CLASP1: variants seen among roughly 807,000 people sequenced by gnomAD.
CLASP1 encodes the protein CLIP-associating protein 1.
Under a neutral mutation model 192.3 loss-of-function variants are expected in CLASP1, and 38 were observed. That is an observed-to-expected ratio of 0.20 (90% CI 0.15 to 0.26). CLASP1 has a LOEUF of 0.26. Among genes scored for constraint, CLASP1 ranks in the 10% least tolerant of loss-of-function variants. CLASP1 has a pLI of 1.00. For synonymous variants in CLASP1, 691 were observed against 712.8 expected, an observed-to-expected ratio of 0.97 and a Z score of 0.49; for missense variants, 1,433 against 1,932.5, an observed-to-expected ratio of 0.74 and a Z score of 4.85.
At chr2:121,527,720 G>A in intron 5 of CLASP1, 79 bp downstream of exon 5, 5 of 1,145,810 alleles carry the variant, frequency 4.4e-6, no homozygotes, top group East Asian at 2.6e-5. Flanking sequence ...GCAACTTCCT[G>A]TAAATCTATA....
chr2:121,551,623 CT>C (rs894731644), intron 2 of CLASP1, among the ~76,000 whole-genome samples: 48 of 152,134 alleles, frequency 3.2e-4, no homozygotes, highest in African/African-American at 1.1e-3. Context: ...AATAAAACAC[CT>C]AGGAATACAG....
At chr2:121,505,623 G>A (rs1337191570) in intron 7 of CLASP1, among the ~76,000 whole-genome samples, 3 of 152,178 alleles carry the variant, frequency 2.0e-5, no homozygotes, top group East Asian at 1.9e-4. Flanking sequence ...CTAAAAGGAT[G>A]AGTTTTATAT....
intron 26 of CLASP1, among the ~76,000 whole-genome samples, chr2:121,402,391 C>G (rs756445340): frequency 2.0e-5 from 3 of 152,196 alleles, no homozygotes; most frequent in Non-Finnish European, 4.4e-5. Flanking sequence ...AAAAGTAGCA[C>G]TGAGTATCCC....
chr2:121,622,885 G>A (rs955804762), intron 1 of CLASP1, among the ~76,000 whole-genome samples: 5 of 151,560 alleles, frequency 3.3e-5, no homozygotes, highest in Non-Finnish European at 5.9e-5. Flanking sequence ...TAATTGTCCC[G>A]GCTAGAACCT....
chr2:121,515,707 C>T (rs775922468), exon 7 of CLASP1: 8 of 1,613,862 alleles, frequency 5.0e-6, no homozygotes, highest in Non-Finnish European at 6.8e-6. Flanking sequence ...TGCCCTCACA[C>T]GTTCTCCTAC....
At chr2:121,446,062 C>T (rs72969309) in intron 19 of CLASP1, among the ~76,000 whole-genome samples, 7,102 of 152,250 alleles carry the variant, frequency 0.047, 198 homozygotes, top group East Asian at 0.14. Context: ...CTACATAATG[C>T]TGCAATAGTT....
At chr2:121,431,636 A>AT (rs1365382559) in intron 19 of CLASP1, among the ~76,000 whole-genome samples, 4 of 152,154 alleles carry the variant, frequency 2.6e-5, no homozygotes, top group Admixed American at 2.0e-4. Context: ...ATGAACATGT[A>AT]TACTCATTTA....
At chr2:121,450,926 T>G in exon 16 of CLASP1, 1 of 1,609,422 alleles carries the variant, frequency 6.2e-7, no homozygotes, top group Non-Finnish European at 8.5e-7. Context: ...CTGGCTTCTA[T>G]TCTTGCTTCG....
chr2:121,616,210 G>A (rs1329254865), intron 1 of CLASP1, among the ~76,000 whole-genome samples: 1 of 152,138 alleles, frequency 6.6e-6, no homozygotes, highest in Non-Finnish European at 1.5e-5. Flanking sequence ...ACTTTGGGAG[G>A]CCAGGGCGGG....
intron 19 of CLASP1, among the ~76,000 whole-genome samples, chr2:121,444,416 T>G (rs1429059779): frequency 6.6e-6 from 1 of 152,154 alleles, no homozygotes; most frequent in Non-Finnish European, 1.5e-5. Flanking sequence ...CAGTAGTACC[T>G]TTAGAGGAGA....
At chr2:121,600,798 G>C (rs1576369939) in intron 2 of CLASP1, among the ~76,000 whole-genome samples, 2 of 152,164 alleles carry the variant, frequency 1.3e-5, no homozygotes, top group South Asian at 4.1e-4. Flanking sequence ...TTAGGACCCT[G>C]ATACTATTCA....
rs141457912 is a variant in CLASP1, at chr2:121,601,799, G to A, written c.195+3902C>T. Among the ~76,000 whole-genome samples the A allele has an allele frequency of 3.0e-4, 45 of 152,118 alleles. No individual in the cohort carries two copies. The East Asian group carries it at 6.4e-3, about 22-fold the overall frequency. Reference sequence around the variant, plus strand: ...ACTCTTACTCCTGATGACTGAAATCGGTACGGTTACAGGATACAAACATAC... The same window carrying A: ...ACTCTTACTCCTGATGACTGAAATCAGTACGGTTACAGGATACAAACATAC... On this transcript the variant is annotated intron_variant, in intron 2 of 39. Transcript: ENST00000263710.
At chr2:121,408,976 T>G in intron 24 of CLASP1, 1 of 1,499,838 alleles carries the variant, frequency 6.7e-7, no homozygotes, top group African/African-American at 1.4e-5. Context: ...GAAATATACT[T>G]GCAACAGGAG....
intron 19 of CLASP1, chr2:121,445,367 A>C: frequency 3.7e-6 from 3 of 821,314 alleles, no homozygotes; most frequent in Non-Finnish European, 5.3e-6. Flanking sequence ...AGGCAGAGCC[A>C]AGTAAGAAGC....
chr2:121,449,508 T>C (rs551741250), intron 16 of CLASP1, among the ~76,000 whole-genome samples: 35 of 149,066 alleles, frequency 2.3e-4, no homozygotes, highest in Non-Finnish European at 4.9e-4. Context: ...ACAAAGTATT[T>C]AAAATTGCCT....
At chr2:121,445,620 G>A (rs2084180903) in intron 19 of CLASP1, 1 of 450,530 alleles carries the variant, frequency 2.2e-6, no homozygotes, top group East Asian at 7.4e-5. Flanking sequence ...ATTTTTTGGT[G>A]TTTTTGTTTG....
intron 7 of CLASP1, among the ~76,000 whole-genome samples, chr2:121,513,740 C>G (rs1299264041): frequency 1.3e-5 from 2 of 152,220 alleles, no homozygotes; most frequent in Non-Finnish European, 2.9e-5. Flanking sequence ...AGAGACTCTC[C>G]TGGTAGAGTC....
chr2:121,641,886 G>GTGC (rs1224898522), intron 1 of CLASP1, among the ~76,000 whole-genome samples: 3 of 152,252 alleles, frequency 2.0e-5, no homozygotes, highest in Non-Finnish European at 2.9e-5. Context: ...GAGGCTGGAT[G>GTGC]TGCTGGTGTG....
chr2:121,355,765 C>A (rs762898391), intron 37 of CLASP1, among the ~76,000 whole-genome samples: 5 of 152,208 alleles, frequency 3.3e-5, no homozygotes, highest in Non-Finnish European at 5.9e-5. Flanking sequence ...GACAACACCA[C>A]TTAGTACACA....
Sources: allele counts gnomAD v4.1 joint callset (sites outside exome capture counted in the v4.1 genomes callset), GRCh38; gene constraint gnomAD v4.1.1; transcripts MANE v1.5; gene names NCBI Gene and HGNC (gene_info 2026-07-23, HGNC 2026-07-21).